The following MTAP variants were observed in gnomAD, a reference collection of about 807,000 sequenced individuals.
The protein encoded by MTAP is S-methyl-5'-thioadenosine phosphorylase.
Under a neutral mutation model 33.6 loss-of-function variants are expected in MTAP, and 33 were observed. The observed-to-expected ratio is 0.98, with a 90% CI of 0.74 to 1.31. The LOEUF (loss-of-function observed/expected upper bound fraction) is 1.31. MTAP is among the 40% of genes most tolerant of loss of function. The pLI is 0.00. For synonymous variants in MTAP, 148 were observed against 125.7 expected (o/e 1.18, Z -1.19); for missense variants, 367 against 360.0 (o/e 1.02, Z -0.16).
intron 6 of MTAP, chr9:21,856,007 A>T (rs987516949): frequency 9.7e-5 from 20 of 207,064 alleles, no homozygotes; most frequent in African/African-American, 4.7e-4. Context: ...TGATCAAATC[A>T]GAATCCCTTA....
intron 1 of MTAP, among the ~76,000 whole-genome samples, chr9:21,906,531 C>A (rs189810633): frequency 6.6e-6 from 1 of 151,890 alleles, no homozygotes; most frequent in East Asian, 1.9e-4. Context: ...GACTGAAGGG[C>A]TGACATAAAA....
intron 4 of MTAP, among the ~76,000 whole-genome samples, chr9:21,833,844 G>A (rs557066157): frequency 2.0e-5 from 3 of 152,296 alleles, no homozygotes; most frequent in South Asian, 2.1e-4. Context: ...TCAAGCCAAT[G>A]TAAGAGTCTT....
At chr9:21,805,991 C>T (rs552347085) in intron 1 of MTAP, among the ~76,000 whole-genome samples, 5 of 152,274 alleles carry the variant, frequency 3.3e-5, no homozygotes, top group East Asian at 1.9e-4. Context: ...ATGGAAATCA[C>T]GGATGCACAG....
In MTAP at chr9:21,862,211, GAAAAGC is replaced by G; in HGVS notation, c.*201_*206del. 7.7e-7 allele frequency: 1 copy of G among 1,296,178 alleles called. No individual in the cohort carries two copies. Among genetic ancestry groups the G allele is most frequent in the Non-Finnish European group, 9.9e-7 (1 of 1,014,632 alleles). The allele number at this position is 1,296,178 out of a possible 1,614,324, so 80.3% of individuals were successfully genotyped here. ...ATTTAGACAACTTCAAAATACAGAAGAAAAGCAAATGACTAGTAAACATGTGGGAAA... is the reference window on the plus strand; with the variant it reads ...ATTTAGACAACTTCAAAATACAGAAGAAATGACTAGTAAACATGTGGGAAA... On this transcript the variant is annotated 3_prime_UTR_variant, in exon 8 of 8. Transcript: ENST00000644715.
At chr9:21,846,506 C>G (rs1451628258) in intron 5 of MTAP, among the ~76,000 whole-genome samples, 2 of 152,044 alleles carry the variant, frequency 1.3e-5, no homozygotes, top group Non-Finnish European at 2.9e-5. Context: ...AATTACTAAT[C>G]CAGGAAATGC....
chr9:21,856,822 A>G (rs1825654046), intron 6 of MTAP, among the ~76,000 whole-genome samples: 2 of 152,210 alleles, frequency 1.3e-5, no homozygotes, highest in African/African-American at 4.8e-5. Flanking sequence ...GGAGTTCTCT[A>G]AACCCATCTT....
chr9:21,811,784 C>G (rs1824356567), intron 1 of MTAP: 4 of 526,684 alleles, frequency 7.6e-6, no homozygotes, highest in Non-Finnish European at 1.5e-5. Flanking sequence ...AGCTTTGCAC[C>G]GAAGTATACC....
chr9:21,922,506 C>T lies in MTAP; in HGVS notation c.148-8502C>T, dbSNP rs982966042. 1.3e-5 allele frequency among the ~76,000 whole-genome samples: 2 copies of T among 152,102 alleles called. No individual in the cohort carries two copies. Among genetic ancestry groups the T allele is most frequent in the Non-Finnish European group, 2.9e-5 (2 of 68,020 alleles). On this transcript the variant is annotated intron_variant, in intron 1 of 1. Transcript: ENST00000577563. The surrounding 1 kb of genome is among the most constrained non-coding windows in gnomAD (Gnocchi z 4.8). ...AAAACTTGCCTTGGTCTCTCACTCT[C>T]GCTTATGCCCCTCAGACAAATTCTT...
chr9:21,856,092 C>T, intron 6 of MTAP: 1 of 892,980 alleles, frequency 1.1e-6, no homozygotes, highest in Non-Finnish European at 1.3e-6. Flanking sequence ...TCTTTTTATT[C>T]CTTGTGTTAC....
chr9:21,817,889 G>A lies in MTAP; in HGVS notation c.180-146G>A. On this transcript the variant is annotated intron_variant, in intron 3 of 7. Transcript: ENST00000644715. ...CCAGTGAACCTAAATTTTAGTTTTA[G>A]TTGCTCACTGGACTGGGTTCTAGGA... 4 of 692,912 alleles carry A rather than the reference G, an allele frequency of 5.8e-6. 1 individual carries two copies. The South Asian group carries it at 7.4e-5, about 13-fold the overall frequency. 42.9% of individuals were successfully genotyped at this position (692,912 alleles called of 1,614,324 possible).
At chr9:21,930,901 G>T (rs76193672) in intron 1 of MTAP, 9,004 of 639,166 alleles carry the variant, frequency 0.014, 135 homozygotes, top group East Asian at 0.042. Context: ...GATCTTCCCT[G>T]GGTTCTTCCC....
intron 1 of MTAP, among the ~76,000 whole-genome samples, chr9:21,914,137 G>T (rs2118859773): frequency 6.6e-6 from 1 of 152,308 alleles, no homozygotes; most frequent in African/African-American, 2.4e-5. Flanking sequence ...AACAATAGGT[G>T]CTGGAGAGGA....
chr9:21,854,234 G>T (rs779910421), intron 5 of MTAP, among the ~76,000 whole-genome samples: 3 of 152,200 alleles, frequency 2.0e-5, no homozygotes, highest in Non-Finnish European at 2.9e-5. Flanking sequence ...GAAGATAAGC[G>T]ACGAGAGGCA....
At chr9:21,832,179 C>A (rs1486634379) in intron 4 of MTAP, among the ~76,000 whole-genome samples, 1 of 152,184 alleles carries the variant, frequency 6.6e-6, no homozygotes, top group Non-Finnish European at 1.5e-5. Context: ...TCAGGAAAGT[C>A]CCGCTATAAA....
In MTAP at chr9:21,818,028, T is replaced by TCCATAGG; in HGVS notation, c.180-5_181dup. Reference sequence around the variant, plus strand: ...ACGGGTTAACAATTTCTTCTCTCCTTCCATAGGCATGGAAGGCAGCACACC... The same window carrying TCCATAGG: ...ACGGGTTAACAATTTCTTCTCTCCTTCCATAGGCCATAGGCATGGAAGGCAGCACACC... On this transcript the variant is annotated splice_region_variant and splice_polypyrimidine_tract_variant and intron_variant, in intron 3 of 7. Transcript: ENST00000644715. 6.2e-7 allele frequency: 1 copy of TCCATAGG among 1,605,766 alleles called. No homozygotes were observed. Among genetic ancestry groups the TCCATAGG allele is most frequent in the Non-Finnish European group, 8.5e-7 (1 of 1,177,126 alleles).
At chr9:21,883,128 A>G (rs1307609696) in intron 1 of MTAP, among the ~76,000 whole-genome samples, 3 of 151,974 alleles carry the variant, frequency 2.0e-5, no homozygotes, top group Non-Finnish European at 4.4e-5. Flanking sequence ...TATAACTGAA[A>G]AAAAAAACAA....
intron 4 of MTAP, among the ~76,000 whole-genome samples, chr9:21,826,389 A>G (rs959429635): frequency 3.3e-5 from 5 of 151,454 alleles, no homozygotes; most frequent in African/African-American, 9.7e-5. Flanking sequence ...TTTACTGCCT[A>G]TCCACATTCT....
At chr9:21,927,116 C>T (rs1052104047) in intron 1 of MTAP, among the ~76,000 whole-genome samples, 2 of 152,154 alleles carry the variant, frequency 1.3e-5, no homozygotes, top group African/African-American at 4.8e-5. Context: ...AAGCCCTAGC[C>T]CTTGGGCTAC....
chr9:21,857,694 T>C (rs578224499), intron 6 of MTAP, among the ~76,000 whole-genome samples: 1 of 152,356 alleles, frequency 6.6e-6, no homozygotes, highest in Admixed American at 6.5e-5. Context: ...CTCCCATCAA[T>C]AATTTTATCC....
Sources: gnomAD v4.1 joint callset for allele counts (sites outside exome capture counted in the v4.1 genomes callset) on GRCh38, gnomAD v4.1.1 for gene constraint, Gnocchi (gnomAD v3.1) non-coding constraint, MANE v1.5 for transcripts, NCBI Gene and HGNC (gene_info 2026-07-23, HGNC 2026-07-21) for gene names.